The following SAMD12 variants were observed in gnomAD, a reference collection of about 807,000 sequenced individuals.
SAMD12 encodes the protein sterile alpha motif domain containing 12.
In SAMD12, 9 loss-of-function variants were observed where a neutral mutation model predicts 15.0. The ratio of observed to expected loss-of-function variants is 0.60; its 90% CI spans 0.36 to 1.05. The LOEUF (loss-of-function observed/expected upper bound fraction) is 1.05. Ranked by LOEUF, SAMD12 falls within the 50% of genes least tolerant of loss-of-function variation. SAMD12 has a pLI of 0.01. For missense variants in SAMD12, 230 were observed against 234.2 expected, an observed-to-expected ratio of 0.98 and a Z score of 0.12; for synonymous variants, 86 against 90.1, an observed-to-expected ratio of 0.96 and a Z score of 0.25.
At chr8:118,172,401 A>G in the SAMD12 span, among the ~76,000 whole-genome samples, 1 of 152,198 alleles carries the variant, frequency 6.6e-6, no homozygotes, top group African/African-American at 2.4e-5. Flanking sequence ...GGTTTTTAAC[A>G]TATAGAATAT....
At chr8:118,542,405 G>C (rs1826009981) in intron 2 of SAMD12, among the ~76,000 whole-genome samples, 1 of 152,076 alleles carries the variant, frequency 6.6e-6, no homozygotes, top group Admixed American at 6.5e-5. Flanking sequence ...ATATTCACAA[G>C]ATCACAATAT....
At chr8:118,310,859 C>T (rs563821310) in intron 4 of SAMD12, among the ~76,000 whole-genome samples, 7 of 152,346 alleles carry the variant, frequency 4.6e-5, no homozygotes, top group Middle Eastern at 3.4e-3. Context: ...TGAGCCCTAA[C>T]TAATATTCCT....
intron 4 of SAMD12, among the ~76,000 whole-genome samples, chr8:118,333,199 G>A (rs1816885454): frequency 6.6e-6 from 1 of 152,176 alleles, no homozygotes; most frequent in Admixed American, 6.5e-5. Flanking sequence ...GCCAGTGTCT[G>A]CCAGAGGCTT....
At chr8:118,562,887 A>G (rs1392938943) in intron 2 of SAMD12, among the ~76,000 whole-genome samples, 1 of 152,178 alleles carries the variant, frequency 6.6e-6, no homozygotes, top group Admixed American at 6.5e-5. Context: ...GAGAGAAGTC[A>G]GGCCTGGAGA....
At chr8:118,358,824 G>T (rs1243492367) in intron 4 of SAMD12, among the ~76,000 whole-genome samples, 1 of 152,164 alleles carries the variant, frequency 6.6e-6, no homozygotes, top group Non-Finnish European at 1.5e-5. Flanking sequence ...GTAGTATATG[G>T]ATACTCCAGG....
At chr8:118,555,834 A>G (rs184618353) in intron 2 of SAMD12, among the ~76,000 whole-genome samples, 32 of 152,316 alleles carry the variant, frequency 2.1e-4, no homozygotes, top group Admixed American at 1.8e-3. Context: ...ACCACAACCA[A>G]TGAAGCCTCT....
At chr8:118,385,298 T>G (rs1819893042) in intron 3 of SAMD12, among the ~76,000 whole-genome samples, 1 of 152,176 alleles carries the variant, frequency 6.6e-6, no homozygotes, top group Non-Finnish European at 1.5e-5. Flanking sequence ...GTTGAAGGCC[T>G]GAGTAGAACA....
the SAMD12 span, among the ~76,000 whole-genome samples, chr8:118,152,819 G>T: frequency 6.6e-6 from 1 of 152,148 alleles, no homozygotes; most frequent in Non-Finnish European, 1.5e-5. Context: ...TGATTCAGGA[G>T]AAATTAAGGT....
intron 4 of SAMD12, among the ~76,000 whole-genome samples, chr8:118,293,803 G>C (rs935564653): frequency 1.3e-5 from 2 of 152,120 alleles, no homozygotes; most frequent in Non-Finnish European, 2.9e-5. Flanking sequence ...TAACCAGTCT[G>C]TTGGCAAAAC....
intron 4 of SAMD12, among the ~76,000 whole-genome samples, chr8:118,218,743 C>A (rs560700094): frequency 6.6e-6 from 1 of 152,054 alleles, no homozygotes; most frequent in East Asian, 1.9e-4. Context: ...TGTATATATA[C>A]CACATTTTTT....
intron 2 of SAMD12, among the ~76,000 whole-genome samples, chr8:118,536,443 A>ACACACACACAC (rs1825845940): frequency 5.0e-5 from 7 of 140,778 alleles, no homozygotes; most frequent in South Asian, 2.3e-4. Flanking sequence ...CTGATACACA[A>ACACACACACAC]ACACACACAC....
At chr8:118,414,434 T>G (rs1480365530) in intron 3 of SAMD12, among the ~76,000 whole-genome samples, 2 of 152,156 alleles carry the variant, frequency 1.3e-5, no homozygotes, top group Non-Finnish European at 2.9e-5. Context: ...TAACATCTGT[T>G]GAGAAAAAAA....
At chr8:118,600,190 CA>C (rs1375579569) in intron 1 of SAMD12, among the ~76,000 whole-genome samples, 1 of 151,706 alleles carries the variant, frequency 6.6e-6, no homozygotes, top group Non-Finnish European at 1.5e-5. Flanking sequence ...CAGGGTGCCC[CA>C]AATAATTGAA....
intron 4 of SAMD12, among the ~76,000 whole-genome samples, chr8:118,353,240 G>A (rs1000283169): frequency 5.4e-5 from 8 of 148,808 alleles, no homozygotes; most frequent in Non-Finnish European, 1.2e-4. Context: ...ACCATTATAT[G>A]GTTTTGTCAT....
chr8:118,452,886 G>A (rs575538059), intron 2 of SAMD12, among the ~76,000 whole-genome samples: 9 of 152,134 alleles, frequency 5.9e-5, no homozygotes, highest in Non-Finnish European at 1.3e-4. Context: ...CCTCTTAGTG[G>A]TTTATCTTAT....
At chr8:118,465,893 C>CA (rs548749906) in intron 2 of SAMD12, among the ~76,000 whole-genome samples, 5 of 152,198 alleles carry the variant, frequency 3.3e-5, no homozygotes, top group African/African-American at 1.2e-4. Context: ...AAACTTTCAA[C>CA]ACAAAATCCA....
chr8:118,196,962 T>C (rs1219602021), exon 5 of SAMD12: 1 of 152,132 alleles, frequency 6.6e-6, no homozygotes. Flanking sequence ...AGTAAACCAG[T>C]TGTTCAATAA....
intron 4 of SAMD12, among the ~76,000 whole-genome samples, chr8:118,316,175 G>T (rs1374140863): frequency 6.6e-6 from 1 of 152,034 alleles, no homozygotes; most frequent in Non-Finnish European, 1.5e-5. Flanking sequence ...GACAAGGTTT[G>T]CAAGGGAGGT....
intron 3 of SAMD12, among the ~76,000 whole-genome samples, chr8:118,399,200 T>C (rs961141312): frequency 1.2e-5 from 1 of 84,028 alleles, no homozygotes; most frequent in African/African-American, 4.9e-5. Context: ...ATTTTTTTTT[T>C]CTTTTTTTTT....
Sources: gnomAD v4.1 joint callset for allele counts (sites outside exome capture counted in the v4.1 genomes callset) on GRCh38, gnomAD v4.1.1 for gene constraint, MANE v1.5 for transcripts, NCBI Gene and HGNC (gene_info 2026-07-23, HGNC 2026-07-21) for gene names.